Variants in PUS7L observed in about 807,000 individuals in gnomAD.
The protein encoded by PUS7L is pseudouridine synthase 7 like, also known as pseudouridylate synthase PUS7L.
PUS7L carries 49 observed loss-of-function variants against 51.1 expected under a neutral mutation model. That is an observed-to-expected ratio of 0.96 (90% CI 0.76 to 1.22). The LOEUF is 1.22. Ranked by LOEUF, PUS7L falls within the 50% of genes most tolerant of loss-of-function variation. The pLI is 0.00. For synonymous variants in PUS7L, 277 were observed against 276.2 expected (o/e 1.00, Z -0.03); for missense variants, 828 against 820.6 (o/e 1.01, Z -0.11).
chr12:43,753,520 T>C (rs1938552802), intron 2 of PUS7L, among the ~76,000 whole-genome samples: 1 of 152,196 alleles, frequency 6.6e-6, no homozygotes, highest in Non-Finnish European at 1.5e-5. Context: ...CAAATTTAGG[T>C]TCCTGGTTTT....
rs1944492583 is a variant in PUS7L at position 43,728,961 on chromosome 12, C to T, written c.*1415G>A. Reference sequence around the variant, plus strand: ...CAGGGTTCAAACTGGGTTAGTTTGTCTCCAATATCTGTGCTTTTAATCACT... The same window carrying T: ...CAGGGTTCAAACTGGGTTAGTTTGTTTCCAATATCTGTGCTTTTAATCACT... On this transcript the variant is annotated 3_prime_UTR_variant, in exon 9 of 9. Coordinates refer to ENST00000344862, the MANE Select transcript of PUS7L (RefSeq NM_031292.5). 6.3e-6 allele frequency: 2 copies of T among 315,548 alleles called. No homozygotes were observed. Among genetic ancestry groups the T allele is most frequent in the Non-Finnish European group, 1.2e-5 (2 of 173,158 alleles). The allele number at this position is 315,548 out of a possible 1,614,324, so 19.5% of individuals were successfully genotyped here.
rs138440276 is a variant in PUS7L, at chr12:43,728,385, C to T, written c.*1991G>A. 2.0e-4 allele frequency: 30 copies of T among 152,094 alleles called. No individual in the cohort carries two copies. In the East Asian group the frequency reaches 5.8e-3, roughly 29 times the overall value. 9.4% of individuals were successfully genotyped at this position (152,094 alleles called of 1,614,324 possible). ...GTAAAATCAATGATATATTTTCATG[C>T]TTTCGTATTTTCTGATTGCTATTCA... On this transcript the variant is annotated 3_prime_UTR_variant, in exon 9 of 9. Coordinates refer to ENST00000344862, the MANE Select transcript of PUS7L (RefSeq NM_031292.5).
In PUS7L at chr12:43,719,302, CTG is replaced by C. The variant is rs1283771536; in HGVS notation, c.*11072_*11073del. The stretch of plus-strand genomic sequence containing the variant: ...ACATAAAATTCAAAATCAGACAAAA[CTG>C]TGTATTTTTTAGGAATGAATACATG... On this transcript the variant is annotated 3_prime_UTR_variant, in exon 9 of 9. Transcript: ENST00000344862. 3 of 152,026 alleles carry C rather than the reference CTG, an allele frequency of 2.0e-5. No homozygotes were observed. Among genetic ancestry groups the C allele is most frequent in the Admixed American group, 6.6e-5 (1 of 15,258 alleles). The allele number at this position is 152,026 out of a possible 1,614,324, so 9.4% of individuals were successfully genotyped here.
In PUS7L at chr12:43,719,576, C is replaced by A. The variant is rs12310998; in HGVS notation, c.*10800G>T. ...TTATTTTTTTGAATGTCTAGTAGAA[C>A]CAACCATTGAACACATCTGGCCCTG... On this transcript the variant is annotated 3_prime_UTR_variant, in exon 9 of 9. Coordinates refer to ENST00000344862, the MANE Select transcript of PUS7L (RefSeq NM_031292.5). 6.6e-6 allele frequency: 1 copy of A among 151,914 alleles called. No individual in the cohort carries two copies. The highest frequency in any genetic ancestry group is 2.1e-4 in the South Asian group (1 of 4,824). The allele number at this position is 151,914 out of a possible 1,614,324, so 9.4% of individuals were successfully genotyped here.
intron 7 of PUS7L, among the ~76,000 whole-genome samples, chr12:43,735,157 T>TA (rs534982137): frequency 8.2e-5 from 12 of 147,052 alleles, no homozygotes; most frequent in Admixed American, 4.7e-4. Context: ...CTACTAAAAA[T>TA]AAAAAAAAAA....
chr12:43,738,500 AT>A (rs1454659094), intron 5 of PUS7L, 109 bp from the exon 6 acceptor site: 1 of 635,842 alleles, frequency 1.6e-6, no homozygotes, highest in African/African-American at 1.9e-5. Flanking sequence ...TTTAATAATT[AT>A]ACTTGATGCT....
rs1262928193 is a variant in PUS7L, at chr12:43,719,378, A to C, written c.*10998T>G. On this transcript the variant is annotated 3_prime_UTR_variant, in exon 9 of 9. Coordinates refer to ENST00000344862, the MANE Select transcript of PUS7L (RefSeq NM_031292.5). The stretch of plus-strand genomic sequence containing the variant: ...TAAGAAAAGTATTATAAAAGTTGAA[A>C]TAAAGCTAACCTTGGAGTTGAGGAC... 1 of 152,210 alleles carries C rather than the reference A, an allele frequency of 6.6e-6. No individual in the cohort carries two copies. Among genetic ancestry groups the C allele is most frequent in the South Asian group, 2.1e-4 (1 of 4,830 alleles). 9.4% of individuals were successfully genotyped at this position (152,210 alleles called of 1,614,324 possible).
chr12:43,733,159 C>A (rs892321177), intron 7 of PUS7L, among the ~76,000 whole-genome samples: 1 of 147,574 alleles, frequency 6.8e-6, no homozygotes, highest in African/African-American at 2.7e-5. Context: ...ACTCACATTT[C>A]TCCATCTTGC....
Position 43,755,060 on chromosome 12 carries a change from A to G in PUS7L, c.186T>C (p.Leu62=). The change falls in exon 2 of 9, where the codon CTT becomes CTC. Residue 62 remains leucine, a synonymous_variant. Transcript: ENST00000344862. ...GTTTTTTGGGAAAATTATTTGGCTC[A>G]AGTTGTATTTCACTAATCTTGAAAA... The part of the protein sequence containing the change: ...EPIFKISEIQ[L]EPNNFPKKPK... 6.2e-7 allele frequency: 1 copy of G among 1,613,546 alleles called. No homozygotes were observed. Among genetic ancestry groups the G allele is most frequent in the Non-Finnish European group, 8.5e-7 (1 of 1,179,730 alleles).
intron 1 of PUS7L, among the ~76,000 whole-genome samples, chr12:43,756,112 T>C (rs999965723): frequency 6.6e-6 from 1 of 152,246 alleles, no homozygotes; most frequent in African/African-American, 2.4e-5. Context: ...ATACCTATAA[T>C]GTATTCTACT....
intron 2 of PUS7L, among the ~76,000 whole-genome samples, chr12:43,750,671 A>C (rs1383531447): frequency 6.6e-6 from 1 of 152,226 alleles, no homozygotes. Flanking sequence ...AAAACATATG[A>C]AACAGCCATC....
At chr12:43,755,379 T>A in intron 1 of PUS7L, 118 bp from the exon 2 acceptor site, 1 of 620,452 alleles carries the variant, frequency 1.6e-6, no homozygotes, top group Non-Finnish European at 2.8e-6. Context: ...TGAGTCTTCT[T>A]AAATGGTATC....
In PUS7L at chr12:43,729,319, A is replaced by T; in HGVS notation, c.*1057T>A. ...AATGGTTAAACTGGCTTAAGTATAT[A>T]TATCACATTACTGATATATAATGCT... On this transcript the variant is annotated 3_prime_UTR_variant, in exon 9 of 9. Transcript: ENST00000344862. 2.5e-6 allele frequency: 1 copy of T among 395,818 alleles called. No individual in the cohort carries two copies. Among genetic ancestry groups the T allele is most frequent in the East Asian group, 3.6e-5 (1 of 27,864 alleles). The allele number at this position is 395,818 out of a possible 1,614,324, so 24.5% of individuals were successfully genotyped here.
Position 43,754,649 on chromosome 12 carries a change from T to C in PUS7L, c.597A>G (p.Pro199=). 2 of 1,613,826 alleles carry C rather than the reference T, an allele frequency of 1.2e-6. No homozygotes were observed. Among genetic ancestry groups the C allele is most frequent in the Non-Finnish European group, 1.7e-6 (2 of 1,179,818 alleles). Residue 199 remains proline, a synonymous_variant, in exon 2 of 9, where the codon CCA becomes CCG. Transcript: ENST00000344862. ...GACAAAGTTCTTTATATTCAAGATT[T>C]GGTTTTACAACAATTTCACTGTTTT... ...VGKNSEIVVK[P]NLEYKELCHL...
chr12:43,745,951 G>T, intron 4 of PUS7L, 95 bp downstream of exon 4: 1 of 576,772 alleles, frequency 1.7e-6, no homozygotes, highest in Non-Finnish European at 3.0e-6. Context: ...CCATAAAAAG[G>T]TACAAAAGAA....
chr12:43,746,000 AC>A (rs1202953016), intron 4 of PUS7L, 45 bp downstream of exon 4: 1 of 843,354 alleles, frequency 1.2e-6, no homozygotes, highest in Non-Finnish European at 1.9e-6. Flanking sequence ...AGAGAAAGAG[AC>A]AATGAAGATT....
chr12:43,752,951 C>T (rs1938526798), intron 2 of PUS7L, among the ~76,000 whole-genome samples: 1 of 152,126 alleles, frequency 6.6e-6, no homozygotes, highest in Admixed American at 6.5e-5. Context: ...CTCCTTTTAA[C>T]ATATGCCTCC....
At chr12:43,738,514 A>C in intron 5 of PUS7L, 123 bp from the exon 6 acceptor site, 1 of 612,012 alleles carries the variant, frequency 1.6e-6, no homozygotes, top group South Asian at 2.0e-5. Context: ...TTGATGCTGC[A>C]ATTTTCTCTT....
In PUS7L at chr12:43,729,402, G is replaced by C. The variant is rs1166831668; in HGVS notation, c.*974C>G. 8 of 382,048 alleles carry C rather than the reference G, an allele frequency of 2.1e-5. No individual in the cohort carries two copies. The highest frequency in any genetic ancestry group is 3.7e-5 in the Non-Finnish European group (8 of 215,446). The allele number at this position is 382,048 out of a possible 1,614,324, so 23.7% of individuals were successfully genotyped here. A position where few individuals can be genotyped will look rare whatever the true frequency, so the allele number is the denominator to read the frequency against. ...TTACCAACAATGAAAGAAATGCTCA[G>C]ATCTTCCTAAATCAATACATGTCTA... On this transcript the variant is annotated 3_prime_UTR_variant, in exon 9 of 9. Coordinates refer to ENST00000344862, the MANE Select transcript of PUS7L (RefSeq NM_031292.5).
Sources: allele counts gnomAD v4.1 joint callset (sites outside exome capture counted in the v4.1 genomes callset), GRCh38; gene constraint gnomAD v4.1.1; transcripts MANE v1.5; gene names NCBI Gene and HGNC (gene_info 2026-07-23, HGNC 2026-07-21).